The following HUNK variants were observed in gnomAD, a reference collection of about 807,000 sequenced individuals.
HUNK encodes hormonally up-regulated neu tumor-associated kinase.
A neutral mutation model predicts 61.0 loss-of-function variants in HUNK; 21 were observed. The ratio of observed to expected loss-of-function variants is 0.34; its 90% confidence interval spans 0.24 to 0.50. The LOEUF is 0.50. HUNK is among the 20% of genes least tolerant of loss of function. HUNK has a pLI of 0.98. For missense variants in HUNK, 772 were observed against 945.7 expected (o/e 0.82, Z 2.41); for synonymous variants, 371 against 386.1 (o/e 0.96, Z 0.46).
At chr21:31,953,284 C>T (rs1397725383) in intron 4 of HUNK, among the ~76,000 whole-genome samples, 1 of 151,132 alleles carries the variant, frequency 6.6e-6, no homozygotes, top group African/African-American at 2.4e-5. Flanking sequence ...CTCTTGTTGC[C>T]CAGGCAATGG....
intron 1 of HUNK, among the ~76,000 whole-genome samples, chr21:31,879,592 T>C (rs1351512604): frequency 6.6e-6 from 1 of 152,142 alleles, no homozygotes; most frequent in East Asian, 1.9e-4. Context: ...TCTGCAGGTG[T>C]TGAGTCACGG....
At position 31,890,384 on chromosome 21, in the gene HUNK, G is replaced by A. The variant is rs148649172; in HGVS notation, c.261+16449G>A. Among the ~76,000 whole-genome samples, 78 of 151,862 alleles carry A rather than the reference G, an allele frequency of 5.1e-4. No homozygotes were observed. In the East Asian group the frequency reaches 0.011, roughly 21 times the overall value. Reference sequence around the variant, plus strand: ...GCTGGTATTACAGGCACCCACCTCCGTGCCCAGCTAATTTTTGTATTTTTA... The same window carrying A: ...GCTGGTATTACAGGCACCCACCTCCATGCCCAGCTAATTTTTGTATTTTTA... On this transcript the variant is annotated intron_variant, in intron 1 of 10. Coordinates refer to ENST00000270112, the MANE Select transcript of HUNK (RefSeq NM_014586.2).
intron 4 of HUNK, among the ~76,000 whole-genome samples, chr21:31,954,767 C>T (rs1047756748): frequency 2.6e-5 from 4 of 152,006 alleles, no homozygotes; most frequent in Admixed American, 6.6e-5. Flanking sequence ...CAGGAATGTG[C>T]GTTTTCTTTC....
chr21:31,955,702 T>A (rs79025954), intron 4 of HUNK, among the ~76,000 whole-genome samples: 1,981 of 152,368 alleles, frequency 0.013, 55 homozygotes, highest in African/African-American at 0.045. Flanking sequence ...TTGTGAAATG[T>A]TTTAGTCAAT....
chr21:31,873,904 G>T lies in HUNK; in HGVS notation c.230G>T (p.Arg77Leu). Residue 77 changes from arginine (R) to leucine (L), a missense_variant, in exon 1 of 11, where the codon CGC (arginine) becomes CTC (leucine). By Grantham distance (102) the Arg-to-Leu change is moderately radical. Transcript: ENST00000270112. The surrounding 1 kb of genome is among the most constrained non-coding windows in gnomAD (Gnocchi z 6.1). ...GGCGAGGGCTCCTTTGCCAAGGTGC[G>T]CGAGGGGCTGCACGTGCTGACCGGG... ...KLGEGSFAKV[R>L]EGLHVLTGEK... 1.3e-6 allele frequency: 2 copies of T among 1,574,474 alleles called. No homozygotes were observed. The highest frequency in any genetic ancestry group is 8.6e-7 in the Non-Finnish European group (1 of 1,163,152).
At chr21:31,958,737 T>A in intron 4 of HUNK, 106 bp from the exon 5 acceptor site, 1 of 1,065,014 alleles carries the variant, frequency 9.4e-7, no homozygotes, top group Non-Finnish European at 1.3e-6. Context: ...CCTGTTGAGG[T>A]TGGCATGGAA....
intron 1 of HUNK, among the ~76,000 whole-genome samples, chr21:31,908,543 C>T (rs1006575580): frequency 1.3e-5 from 2 of 151,916 alleles, no homozygotes; most frequent in Non-Finnish European, 2.9e-5. Context: ...CAGGCCTCAG[C>T]GAGGAGGAAC....
At chr21:31,896,972 C>T (rs575168236) in intron 1 of HUNK, among the ~76,000 whole-genome samples, 10 of 152,236 alleles carry the variant, frequency 6.6e-5, no homozygotes, top group South Asian at 6.2e-4. Flanking sequence ...GGGCCAGGCG[C>T]GGTGGCTCAC....
intron 9 of HUNK, among the ~76,000 whole-genome samples, chr21:31,990,872 A>G (rs1261792394): frequency 6.6e-6 from 1 of 152,100 alleles, no homozygotes; most frequent in African/African-American, 2.4e-5. Context: ...TCACAGAACC[A>G]TCTAGACTGG....
intron 1 of HUNK, among the ~76,000 whole-genome samples, chr21:31,908,867 G>A (rs1002773874): frequency 6.6e-5 from 10 of 152,138 alleles, no homozygotes; most frequent in African/African-American, 2.4e-4. Flanking sequence ...ACCATTGGGT[G>A]TTCAGGGTTT....
chr21:31,898,337 C>T (rs2052440040), intron 1 of HUNK, among the ~76,000 whole-genome samples: 1 of 152,190 alleles, frequency 6.6e-6, no homozygotes, highest in Admixed American at 6.5e-5. Context: ...GCGATCTCGG[C>T]TCACTGCAAC....
intron 9 of HUNK, 58 bp from the exon 10 acceptor site, chr21:31,995,710 A>G (rs2053199696): frequency 2.2e-6 from 3 of 1,363,466 alleles, no homozygotes; most frequent in Non-Finnish European, 3.1e-6. Flanking sequence ...TTCAAAGAGG[A>G]ATCCCATTGT....
At chr21:31,889,142 G>A (rs547687978) in intron 1 of HUNK, among the ~76,000 whole-genome samples, 25 of 152,282 alleles carry the variant, frequency 1.6e-4, no homozygotes, top group African/African-American at 5.5e-4. Context: ...ATCCTCCTAC[G>A]AGAATGAACA....
At chr21:31,906,498 G>C (rs142983107) in intron 1 of HUNK, among the ~76,000 whole-genome samples, 2 of 152,074 alleles carry the variant, frequency 1.3e-5, no homozygotes, top group African/African-American at 4.8e-5. Flanking sequence ...GCAGTGGCAC[G>C]ATCTCAGCTC....
chr21:31,955,821 G>GA (rs533435425), intron 4 of HUNK, among the ~76,000 whole-genome samples: 5 of 152,326 alleles, frequency 3.3e-5, no homozygotes, highest in South Asian at 4.2e-4. Context: ...ACTTACTGCG[G>GA]AAAAAAATGA....
Position 31,979,811 on chromosome 21 carries a change from A to G in HUNK, c.1174-3715A>G, listed in dbSNP as rs370551203. The stretch of plus-strand genomic sequence containing the variant: ...ATTACAGGCATAAGCCACCACGCCC[A>G]GCTGCATTCTTTATATGTTCTTTGT... On this transcript the variant is annotated intron_variant, in intron 7 of 10. Transcript: ENST00000270112. Among the ~76,000 whole-genome samples the G allele has an allele frequency of 4.1e-4, 63 of 152,172 alleles. 1 individual carries two copies. The South Asian group carries it at 5.8e-3, about 14-fold the overall frequency.
chr21:31,939,399 G>GGT (rs2052753523), intron 2 of HUNK, among the ~76,000 whole-genome samples: 1 of 66,720 alleles, frequency 1.5e-5, no homozygotes, highest in Non-Finnish European at 2.7e-5. Context: ...GCTTTCATGT[G>GGT]TTTTTTTTTT....
rs150727035 is a variant in HUNK, at chr21:31,956,577, C to T, written c.747-2266C>T. On this transcript the variant is annotated intron_variant, in intron 4 of 10. Transcript: ENST00000270112. ...CACTAGCCCTGATACTCCTTCCCTG[C>T]ACCCCTAACCTGTCTCTCCTCCTCA... 1.1e-4 allele frequency among the ~76,000 whole-genome samples: 16 copies of T among 152,296 alleles called. No individual in the cohort carries two copies. In the East Asian group the frequency reaches 3.1e-3, roughly 29 times the overall value.
chr21:31,968,293 G>A lies in HUNK; in HGVS notation c.918G>A (p.Val306=). Residue 306 remains valine (V), a synonymous_variant, in exon 6 of 11, where the codon GTG becomes GTA. Transcript: ENST00000270112. ...FLRSLLEPDP[V]KRPNIQQALA... ...GCTCTCTCCTGGAACCGGATCCTGT[G>A]AAGAGGCCAAATATTCAGCAGGCAC... is the stretch of plus-strand genomic sequence containing the variant. The A allele has an allele frequency of 6.2e-7, 1 of 1,614,192 alleles. No individual in the cohort carries two copies. The highest frequency in any genetic ancestry group is 8.5e-7 in the Non-Finnish European group (1 of 1,180,032).
Sources: allele counts gnomAD v4.1 joint callset (sites outside exome capture counted in the v4.1 genomes callset), GRCh38; gene constraint gnomAD v4.1.1; non-coding constraint Gnocchi (gnomAD v3.1); transcripts MANE v1.5; gene names NCBI Gene and HGNC (gene_info 2026-07-23, HGNC 2026-07-21).